The following NCK2 variants were observed in gnomAD, a reference collection of about 807,000 sequenced individuals.
NCK2 encodes the protein cytoplasmic protein NCK2.
In NCK2, 16 loss-of-function variants were observed where a neutral mutation model predicts 33.9. The ratio of observed to expected loss-of-function variants is 0.47; its 90% CI spans 0.32 to 0.72. The LOEUF is 0.72. Ranked by LOEUF, NCK2 falls within the 30% of genes least tolerant of loss-of-function variation. The pLI is 0.03. For missense variants in NCK2, 418 were observed against 537.3 expected (o/e 0.78, Z 2.19); for synonymous variants, 273 against 239.9 (o/e 1.14, Z -1.27).
At chr2:105,816,048 A>G (rs915215479) in intron 1 of NCK2, among the ~76,000 whole-genome samples, 1 of 141,680 alleles carries the variant, frequency 7.1e-6, no homozygotes. Flanking sequence ...GAGCTTGCCC[A>G]GGGAATGAAA....
chr2:105,881,598 T>C lies in NCK2; in HGVS notation c.497T>C (p.Leu166Ser). ...QIGWFPSNYV[L>S]EEVDEAAAES... ...GGCTGGTTCCCCTCCAACTACGTCT[T>C]GGAGGAGGTGGACGAGGCGGCTGCG... Residue 166 changes from leucine (L) to serine (S), a missense_variant, in exon 4 of 5, where the codon TTG becomes TCG. Physicochemically the swap from Leu to Ser is moderately radical, Grantham distance 145. Transcript: ENST00000233154. 6.2e-7 allele frequency: 1 copy of C among 1,613,718 alleles called. No homozygotes were observed. The highest frequency in any genetic ancestry group is 8.5e-7 in the Non-Finnish European group (1 of 1,179,982).
chr2:105,818,042 A>C (rs1000760772), intron 2 of NCK2, among the ~76,000 whole-genome samples: 2 of 152,108 alleles, frequency 1.3e-5, no homozygotes, highest in Non-Finnish European at 2.9e-5. Flanking sequence ...ATGTCCAACA[A>C]TGATGGACTG....
intron 2 of NCK2, among the ~76,000 whole-genome samples, chr2:105,825,529 C>A (rs948792016): frequency 6.6e-6 from 1 of 152,220 alleles, no homozygotes; most frequent in Non-Finnish European, 1.5e-5. Context: ...CTAATAATTT[C>A]TTCCCACACC....
chr2:105,831,684 T>C (rs1192511354), intron 2 of NCK2, among the ~76,000 whole-genome samples: 1 of 152,200 alleles, frequency 6.6e-6, no homozygotes, highest in Non-Finnish European at 1.5e-5. Context: ...GACACCTTTG[T>C]TGAAAATTAT....
At chr2:105,770,820 G>A (rs113075664) in intron 1 of NCK2, among the ~76,000 whole-genome samples, 1 of 54,608 alleles carries the variant, frequency 1.8e-5, no homozygotes, top group African/African-American at 6.3e-5. Context: ...AGTCATTTTG[G>A]GTTAAACAGT....
intron 3 of NCK2, among the ~76,000 whole-genome samples, chr2:105,860,994 A>T (rs914797859): frequency 6.6e-6 from 1 of 151,816 alleles, no homozygotes; most frequent in Non-Finnish European, 1.5e-5. Context: ...GAAAGAAGGG[A>T]CTTGGGGCAG....
chr2:105,756,758 G>T (rs1013173220), intron 1 of NCK2, among the ~76,000 whole-genome samples: 2 of 152,212 alleles, frequency 1.3e-5, no homozygotes, highest in African/African-American at 4.8e-5. Flanking sequence ...CGCAGTGACT[G>T]CTTGGCTTTC....
intron 1 of NCK2, among the ~76,000 whole-genome samples, chr2:105,803,000 C>A (rs532882621): frequency 3.3e-5 from 5 of 152,036 alleles, no homozygotes; most frequent in Non-Finnish European, 7.4e-5. Context: ...AACTTGAAGT[C>A]TTTCTAGAAG....
At chr2:105,826,133 G>A (rs752041841) in intron 2 of NCK2, among the ~76,000 whole-genome samples, 3 of 152,166 alleles carry the variant, frequency 2.0e-5, no homozygotes, top group Non-Finnish European at 4.4e-5. Context: ...ATAACTGGGA[G>A]GCCTCAGGAA....
At chr2:105,869,567 G>A (rs556704445) in intron 3 of NCK2, among the ~76,000 whole-genome samples, 10 of 152,308 alleles carry the variant, frequency 6.6e-5, no homozygotes, top group African/African-American at 2.2e-4. Context: ...TGCCACCTGC[G>A]TGTTCCCCCG....
intron 4 of NCK2, among the ~76,000 whole-genome samples, chr2:105,891,567 T>C (rs200482430): frequency 1.1e-4 from 1 of 9,118 alleles, no homozygotes; most frequent in African/African-American, 6.7e-4. Context: ...TTTTTTTTTT[T>C]TGAGATTTTT....
chr2:105,831,364 G>A (rs953611376), intron 2 of NCK2, among the ~76,000 whole-genome samples: 1 of 150,994 alleles, frequency 6.6e-6, no homozygotes, highest in African/African-American at 2.4e-5. Context: ...GGCACATGGT[G>A]CTTGACTGGA....
chr2:105,749,089 C>T (rs1158108645), intron 1 of NCK2, among the ~76,000 whole-genome samples: 1 of 152,150 alleles, frequency 6.6e-6, no homozygotes, highest in Non-Finnish European at 1.5e-5. Context: ...AAAAACAAAG[C>T]CAACCCCATA....
chr2:105,764,956 T>A (rs564773871), intron 1 of NCK2, among the ~76,000 whole-genome samples: 12 of 152,166 alleles, frequency 7.9e-5, no homozygotes, highest in Non-Finnish European at 1.2e-4. Context: ...ACATCTAAAT[T>A]TTTGCTCCTG....
intron 1 of NCK2, among the ~76,000 whole-genome samples, chr2:105,768,279 C>T (rs1166155137): frequency 1.3e-5 from 2 of 152,198 alleles, no homozygotes; most frequent in African/African-American, 2.4e-5. Flanking sequence ...TCAGTGGCCG[C>T]GTGTGGCCGG....
chr2:105,771,377 A>C (rs1214534080), intron 1 of NCK2, among the ~76,000 whole-genome samples: 1 of 151,644 alleles, frequency 6.6e-6, no homozygotes, highest in Admixed American at 6.6e-5. Flanking sequence ...GACCAGCCTG[A>C]CCAACATAGT....
chr2:105,790,663 G>A (rs1690847550), intron 1 of NCK2, among the ~76,000 whole-genome samples: 1 of 152,242 alleles, frequency 6.6e-6, no homozygotes, highest in South Asian at 2.1e-4. Context: ...CATCAGGCCA[G>A]GCCCTTAGTG....
intron 3 of NCK2, among the ~76,000 whole-genome samples, chr2:105,873,460 A>G (rs1678099021): frequency 6.6e-6 from 1 of 152,172 alleles, no homozygotes; most frequent in African/African-American, 2.4e-5. Context: ...GGCTTAGGAA[A>G]CATGCACGCC....
rs189095404 is a variant in NCK2, at chr2:105,822,407, C to A, written c.-17+5794C>A. ...CATCAGACCTGCCAAAAGAGAAGTT[C>A]TCTGTACAGGCCAGGGGACTTTGTA... On this transcript the variant is annotated intron_variant, in intron 2 of 4. Transcript: ENST00000233154. Among the ~76,000 whole-genome samples, 48 of 151,528 alleles carry A rather than the reference C, an allele frequency of 3.2e-4. No homozygotes were observed. In the East Asian group the frequency reaches 8.9e-3, roughly 28 times the overall value.
Sources: gnomAD v4.1 joint callset for allele counts (sites outside exome capture counted in the v4.1 genomes callset) on GRCh38, gnomAD v4.1.1 for gene constraint, MANE v1.5 for transcripts, NCBI Gene and HGNC (gene_info 2026-07-23, HGNC 2026-07-21) for gene names.